Variants in XXYLT1 observed in about 807,000 individuals in gnomAD.
XXYLT1 encodes UDP-xylose:alpha-xyloside alpha-1,3-xylosyltransferase.
In XXYLT1, 20 loss-of-function variants were observed where a neutral mutation model predicts 28.9. That is an observed-to-expected ratio of 0.69 (90% CI 0.49 to 1.00). The LOEUF (loss-of-function observed/expected upper bound fraction) is 1.00. XXYLT1 is among the 50% of genes least tolerant of loss of function. The probability of loss-of-function intolerance (pLI) is 0.00; values close to 1 mark genes in which losing one functional copy is unlikely to be tolerated. For synonymous variants in XXYLT1, 257 were observed against 253.8 expected (o/e 1.01, Z -0.12); for missense variants, 542 against 560.1 (o/e 0.97, Z 0.33).
At chr3:195,248,232 C>T (rs937861973) in intron 1 of XXYLT1, among the ~76,000 whole-genome samples, 4 of 152,110 alleles carry the variant, frequency 2.6e-5, no homozygotes, top group African/African-American at 7.2e-5. Flanking sequence ...AGAACTTTGA[C>T]TTCAACAGAT....
chr3:195,187,947 C>G (rs1373089443), intron 2 of XXYLT1, among the ~76,000 whole-genome samples: 1 of 152,166 alleles, frequency 6.6e-6, no homozygotes, highest in Non-Finnish European at 1.5e-5. Context: ...TAAATCCCTC[C>G]TCTCTCACAA....
chr3:195,207,615 C>T (rs1723130338), intron 2 of XXYLT1: 1 of 331,070 alleles, frequency 3.0e-6, no homozygotes, highest in East Asian at 8.4e-5. Flanking sequence ...TGCTGAGATC[C>T]CCTTGTATCA....
intron 2 of XXYLT1, among the ~76,000 whole-genome samples, chr3:195,215,224 A>C (rs1208795824): frequency 2.0e-5 from 3 of 150,088 alleles, no homozygotes; most frequent in Non-Finnish European, 4.5e-5. Context: ...ATCATGCCAA[A>C]ATGTAAAGAC....
At position 195,088,096 on chromosome 3, in the gene XXYLT1, C is replaced by T. The variant is rs1014878282; in HGVS notation, c.786-17985G>A. On this transcript the variant is annotated intron_variant, in intron 3 of 3. Transcript: ENST00000310380. ...CTGAGATCAAACTGCAAGGTGGCAG[C>T]GAGGCTGGGGGAGGGGCGCCCGCCA... Among the ~76,000 whole-genome samples, 9 of 151,848 alleles carry T rather than the reference C, an allele frequency of 5.9e-5. 1 individual carries two copies. In the South Asian group the frequency reaches 6.3e-4, roughly 11 times the overall value.
At chr3:195,205,694 C>T (rs1246394296) in intron 2 of XXYLT1, among the ~76,000 whole-genome samples, 1 of 152,186 alleles carries the variant, frequency 6.6e-6, no homozygotes, top group Non-Finnish European at 1.5e-5. Context: ...AAAACCCTGT[C>T]TCTACTAAAA....
At chr3:195,072,642 G>A (rs1317609395) in intron 3 of XXYLT1, among the ~76,000 whole-genome samples, 4 of 152,206 alleles carry the variant, frequency 2.6e-5, no homozygotes, top group Admixed American at 6.5e-5. Flanking sequence ...GCCTGAGAAG[G>A]AAAGGAGGGA....
chr3:195,072,977 TC>T (rs1222167433), intron 3 of XXYLT1, among the ~76,000 whole-genome samples: 1 of 151,998 alleles, frequency 6.6e-6, no homozygotes. Context: ...GTACCGCCAA[TC>T]CCCCCAACGC....
chr3:195,072,330 C>T (rs1470305005), intron 3 of XXYLT1, among the ~76,000 whole-genome samples: 1 of 152,152 alleles, frequency 6.6e-6, no homozygotes, highest in Non-Finnish European at 1.5e-5. Flanking sequence ...TCTTTTTAAA[C>T]GGCTTTACTC....
chr3:195,236,973 T>C (rs752256456), intron 1 of XXYLT1, among the ~76,000 whole-genome samples: 1 of 152,166 alleles, frequency 6.6e-6, no homozygotes, highest in Non-Finnish European at 1.5e-5. Flanking sequence ...CCAAGTTGCA[T>C]GACAAAGTCC....
At chr3:195,159,399 C>T (rs185306819) in intron 2 of XXYLT1, among the ~76,000 whole-genome samples, 21 of 152,320 alleles carry the variant, frequency 1.4e-4, no homozygotes, top group South Asian at 4.1e-4. Flanking sequence ...TCTACTGACT[C>T]CCTAGTTAAT....
At chr3:195,244,024 T>C (rs1477449668) in intron 1 of XXYLT1, among the ~76,000 whole-genome samples, 1 of 152,206 alleles carries the variant, frequency 6.6e-6, no homozygotes, top group Non-Finnish European at 1.5e-5. Context: ...CTGTCCTCAC[T>C]GCACGACGTC....
intron 1 of XXYLT1, among the ~76,000 whole-genome samples, chr3:195,247,560 C>A (rs1328202464): frequency 2.0e-5 from 3 of 152,240 alleles, no homozygotes; most frequent in Non-Finnish European, 4.4e-5. Context: ...AGCCCCAGTT[C>A]CGAATGGCCC....
chr3:195,142,714 G>A (rs943148798), intron 3 of XXYLT1, among the ~76,000 whole-genome samples: 1 of 152,264 alleles, frequency 6.6e-6, no homozygotes, highest in Non-Finnish European at 1.5e-5. Context: ...CCGGGGCTGG[G>A]GCTGGGGTGC....
At chr3:195,114,927 C>T (rs934252212) in intron 3 of XXYLT1, among the ~76,000 whole-genome samples, 10 of 152,334 alleles carry the variant, frequency 6.6e-5, no homozygotes, top group East Asian at 1.9e-4. Context: ...GGGAAGACAC[C>T]GGGGTCGGCC....
rs530775858 is a variant in XXYLT1 at position 195,163,258 on chromosome 3, C to T, written c.653-6677G>A. Among the ~76,000 whole-genome samples, 8 of 152,302 alleles carry T rather than the reference C, an allele frequency of 5.3e-5. No individual in the cohort carries two copies. In the South Asian group the frequency reaches 1.7e-3, roughly 32 times the overall value. ...TTTTCAAATTCTCCATTTTGAGATT[C>T]TTTATCAGAATTATGGGCTCCTGTT... is the stretch of plus-strand genomic sequence containing the variant. On this transcript the variant is annotated intron_variant, in intron 2 of 3. Coordinates refer to ENST00000310380, the MANE Select transcript of XXYLT1 (RefSeq NM_152531.5).
chr3:195,197,095 T>G (rs1460178765), intron 2 of XXYLT1, among the ~76,000 whole-genome samples: 4 of 152,226 alleles, frequency 2.6e-5, no homozygotes, highest in Non-Finnish European at 1.5e-5. Context: ...AGCTTGTAAC[T>G]TAAAACAATA....
chr3:195,251,853 C>T (rs1725268283), intron 1 of XXYLT1, among the ~76,000 whole-genome samples: 1 of 152,214 alleles, frequency 6.6e-6, no homozygotes, highest in Non-Finnish European at 1.5e-5. Context: ...AGAAGATGCA[C>T]ACACCCCAGG....
intron 2 of XXYLT1, chr3:195,207,316 A>G: frequency 2.8e-6 from 1 of 363,436 alleles, no homozygotes; most frequent in Non-Finnish European, 5.5e-6. Context: ...GAGATGCCAC[A>G]CGTCTGGCTG....
intron 2 of XXYLT1, among the ~76,000 whole-genome samples, chr3:195,162,427 G>T (rs940255369): frequency 1.3e-5 from 2 of 152,232 alleles, no homozygotes; most frequent in Non-Finnish European, 2.9e-5. Flanking sequence ...TATGCAACCT[G>T]TTAGCAGCTC....
Sources: gnomAD v4.1 joint callset for allele counts (sites outside exome capture counted in the v4.1 genomes callset) on GRCh38, gnomAD v4.1.1 for gene constraint, MANE v1.5 for transcripts, NCBI Gene and HGNC (gene_info 2026-07-23, HGNC 2026-07-21) for gene names.